Variants in LOC647264 observed in about 807,000 individuals in gnomAD.
chr13:63,832,880 A>G, the LOC647264 span, among the ~76,000 whole-genome samples: 21 of 150,066 alleles, frequency 1.4e-4, no homozygotes, highest in Middle Eastern at 3.4e-3. Context: ...AGCCATAACC[A>G]GAGCCATAGC....
chr13:63,833,029 A>G, the LOC647264 span, among the ~76,000 whole-genome samples: 2 of 152,190 alleles, frequency 1.3e-5, no homozygotes, highest in Non-Finnish European at 2.9e-5. Flanking sequence ...GGGTTTCAAG[A>G]AGATGCTTCT....
chr13:63,832,782 C>G, the LOC647264 span, among the ~76,000 whole-genome samples: 1 of 152,116 alleles, frequency 6.6e-6, no homozygotes, highest in South Asian at 2.1e-4. Flanking sequence ...ACAGCCGTAG[C>G]CAGTTCCATA....
chr13:63,832,839 T>G, the LOC647264 span, among the ~76,000 whole-genome samples: 1 of 145,602 alleles, frequency 6.9e-6, no homozygotes, highest in Admixed American at 6.7e-5. Flanking sequence ...GCCAGAGCCA[T>G]AGCCACAGCC....
chr13:63,832,884 C>G, the LOC647264 span, among the ~76,000 whole-genome samples: 2 of 139,184 alleles, frequency 1.4e-5, no homozygotes, highest in Non-Finnish European at 3.0e-5. Context: ...ATAACCAGAG[C>G]CATAGCCACA....
chr13:63,832,844 A>C, the LOC647264 span, among the ~76,000 whole-genome samples: 2 of 145,822 alleles, frequency 1.4e-5, no homozygotes, highest in African/African-American at 5.6e-5. Flanking sequence ...AGCCATAGCC[A>C]CAGCCATAGC....
chr13:63,832,582 A>C, the LOC647264 span, among the ~76,000 whole-genome samples: 1 of 126,272 alleles, frequency 7.9e-6, no homozygotes, highest in Non-Finnish European at 1.6e-5. Flanking sequence ...TGGATATAGA[A>C]ATCTTGGAGT....
the LOC647264 span, among the ~76,000 whole-genome samples, chr13:63,832,917 CAGCCATAACCAG>C: frequency 2.7e-5 from 1 of 37,478 alleles, no homozygotes; most frequent in East Asian, 1.3e-3. Context: ...GCCATAGCCA[CAGCCATAACCAG>C]AGCCATAGCC....
chr13:63,833,051 G>A, the LOC647264 span, among the ~76,000 whole-genome samples: 14 of 152,252 alleles, frequency 9.2e-5, no homozygotes, highest in South Asian at 1.2e-3. Context: ...AGGTGTGGAC[G>A]TCTTCTACTT....
chr13:63,832,542 G>C, the LOC647264 span, among the ~76,000 whole-genome samples: 1 of 101,834 alleles, frequency 9.8e-6, no homozygotes, highest in African/African-American at 4.0e-5. Flanking sequence ...TGAGGCTAGA[G>C]GTCCAAGACT....
the LOC647264 span, among the ~76,000 whole-genome samples, chr13:63,832,481 C>A: frequency 1.7e-5 from 1 of 59,938 alleles, no homozygotes; most frequent in East Asian, 4.2e-4. Context: ...ATTTGGAAAA[C>A]AGTCAGATGA....
At chr13:63,832,733 TCCACAGCCATAGCCAGTTCCATAA>T in the LOC647264 span, among the ~76,000 whole-genome samples, 1 of 151,642 alleles carries the variant, frequency 6.6e-6, no homozygotes, top group African/African-American at 2.4e-5. Context: ...CAGAGCCACA[TCCACAGCCATAGCCAGTTCCATAA>T]CCACAGCCAT....
chr13:63,832,968 G>A, the LOC647264 span, among the ~76,000 whole-genome samples: 1 of 151,870 alleles, frequency 6.6e-6, no homozygotes, highest in East Asian at 1.9e-4. Flanking sequence ...ATAGCCACAG[G>A]AGTTGCCGTA....
the LOC647264 span, among the ~76,000 whole-genome samples, chr13:63,832,778 G>T: frequency 1.3e-5 from 2 of 151,632 alleles, no homozygotes; most frequent in African/African-American, 4.9e-5. Context: ...ACCCACAGCC[G>T]TAGCCAGTTC....
At chr13:63,832,777 C>A in the LOC647264 span, among the ~76,000 whole-genome samples, 1 of 152,016 alleles carries the variant, frequency 6.6e-6, no homozygotes, top group Non-Finnish European at 1.5e-5. Context: ...TACCCACAGC[C>A]GTAGCCAGTT....
chr13:63,832,797 C>CAGCCAG, the LOC647264 span, among the ~76,000 whole-genome samples: 2 of 152,088 alleles, frequency 1.3e-5, no homozygotes, highest in South Asian at 2.1e-4. Flanking sequence ...TCCATAGCCA[C>CAGCCAG]AGCCAGAGCC....
At chr13:63,832,912 A>G in the LOC647264 span, among the ~76,000 whole-genome samples, 1 of 37,888 alleles carries the variant, frequency 2.6e-5, no homozygotes, top group Non-Finnish European at 8.0e-5. Context: ...CTGGAGCCAT[A>G]GCCACAGCCA....
chr13:63,832,827 T>C, the LOC647264 span, among the ~76,000 whole-genome samples: 2 of 150,988 alleles, frequency 1.3e-5, no homozygotes, highest in Non-Finnish European at 2.9e-5. Context: ...GCCACAGCTG[T>C]AGCCAGAGCC....
chr13:63,832,713 T>C, the LOC647264 span, among the ~76,000 whole-genome samples: 1 of 151,622 alleles, frequency 6.6e-6, no homozygotes. Context: ...GTAGCCACAG[T>C]AGCCAGAGCC....
the LOC647264 span, among the ~76,000 whole-genome samples, chr13:63,832,834 A>T: frequency 1.3e-4 from 15 of 119,948 alleles, no homozygotes; most frequent in South Asian, 8.1e-4. Context: ...CTGTAGCCAG[A>T]GCCATAGCCA....
Sources: gnomAD v4.1 joint callset for allele counts (sites outside exome capture counted in the v4.1 genomes callset) on GRCh38, gnomAD v4.1.1 for gene constraint, MANE v1.5 for transcripts.